The following MRPL37 variants were observed in gnomAD, a reference collection of about 807,000 sequenced individuals.
MRPL37 encodes mitochondrial ribosomal protein L37.
MRPL37 carries 34 observed loss-of-function variants against 44.1 expected under a neutral mutation model. The ratio of observed to expected loss-of-function variants is 0.77; its 90% confidence interval spans 0.59 to 1.03. MRPL37 has a LOEUF of 1.03. Ranked by LOEUF, MRPL37 falls within the 50% of genes least tolerant of loss-of-function variation. The probability of loss-of-function intolerance (pLI) is 0.00; values close to 1 mark genes in which losing one functional copy is unlikely to be tolerated. For synonymous variants in MRPL37, 212 were observed against 219.5 expected, an observed-to-expected ratio of 0.97 and a Z score of 0.30; for missense variants, 532 against 543.7, an observed-to-expected ratio of 0.98 and a Z score of 0.21.
Position 54,218,257 on chromosome 1 carries a change from A to T in MRPL37, c.*8A>T. ...TTGCATGGTGCTGCGTGAGCGGAGG[A>T]CCCCTCTGAATCCTGAAACCCCTCT... On this transcript the variant is annotated 3_prime_UTR_variant, in exon 7 of 7. Coordinates refer to ENST00000360840, the MANE Select transcript of MRPL37 (RefSeq NM_016491.4). The T allele has an allele frequency of 6.2e-7, 1 of 1,614,044 alleles. No homozygotes were observed. Among genetic ancestry groups the T allele is most frequent in the Non-Finnish European group, 8.5e-7 (1 of 1,179,982 alleles).
intron 4 of MRPL37, among the ~76,000 whole-genome samples, chr1:54,210,628 C>T (rs1471240898): frequency 6.6e-6 from 1 of 152,208 alleles, no homozygotes; most frequent in Non-Finnish European, 1.5e-5. Flanking sequence ...CTCCGTCAGG[C>T]AAGACATCAC....
chr1:54,210,564 G>T (rs910875716), intron 4 of MRPL37, among the ~76,000 whole-genome samples: 2 of 152,138 alleles, frequency 1.3e-5, no homozygotes, highest in African/African-American at 4.8e-5. Flanking sequence ...AAGCCCCATA[G>T]ACATTGAATG....
At chr1:54,223,484 AC>A (rs1368443359), downstream of MRPL37, among the ~76,000 whole-genome samples, 1 of 151,990 alleles carries the variant, frequency 6.6e-6, no homozygotes, top group South Asian at 2.1e-4. Context: ...CAGCCTTCTT[AC>A]CCCCGCTAGA....
At chr1:54,224,067 C>T (rs1570160792), downstream of MRPL37, among the ~76,000 whole-genome samples, 1 of 152,188 alleles carries the variant, frequency 6.6e-6, no homozygotes, top group Admixed American at 6.5e-5. Context: ...AGCTAGGCAC[C>T]CTGATCCCAT....
intron 6 of MRPL37, 123 bp downstream of exon 6, chr1:54,216,467 C>T (rs1186277374): frequency 1.3e-5 from 15 of 1,142,320 alleles, no homozygotes; most frequent in South Asian, 7.5e-5. Context: ...ACTTCCCACC[C>T]GGGATCTCTG....
downstream of MRPL37, chr1:54,225,084 G>A (rs75998619): frequency 2.4e-6 from 3 of 1,234,098 alleles, no homozygotes; most frequent in Admixed American, 4.2e-5. Flanking sequence ...ACTCCCCATA[G>A]AAAACAGAGG....
downstream of MRPL37, among the ~76,000 whole-genome samples, chr1:54,221,898 G>A (rs996723251): frequency 1.3e-5 from 2 of 152,188 alleles, no homozygotes; most frequent in Admixed American, 1.3e-4. Flanking sequence ...CAGAATGAGG[G>A]AGACATGGTC....
chr1:54,213,569 A>AC (rs1027704732), intron 5 of MRPL37, among the ~76,000 whole-genome samples: 3 of 152,302 alleles, frequency 2.0e-5, no homozygotes, highest in African/African-American at 7.2e-5. Context: ...TAAAAAAAAA[A>AC]ATCAGTGGTT....
At position 54,216,334 on chromosome 1, in the gene MRPL37, G is replaced by C. The variant is rs974460084; in HGVS notation, c.1184G>C (p.Arg395Thr). 6.2e-7 allele frequency: 1 copy of C among 1,613,984 alleles called. No homozygotes were observed. ...TGGTGTCTCCCAGTGATCAAAAAGA[G>C]AGTGGTTGTGGTAAGTTGAGCCATC... ...HFWCLPVIKK[R>T]VVVEPVGPVG... The change falls in exon 6 of 7, where the codon AGA becomes ACA. Residue 395 changes from arginine (R) to threonine (T), a missense_variant. By Grantham distance (71) the Arg-to-Thr change is moderately conservative. Transcript: ENST00000360840.
Position 54,200,212 on chromosome 1 carries a change from C to T in MRPL37, c.-32C>T. On this transcript the variant is annotated 5_prime_UTR_variant, in exon 1 of 7. Transcript: ENST00000360840. ...CCTGCGCGCGGCAACATGGCGGGGT[C>T]CAGGTGGAGGTCTTGAGGCTATCAG... The T allele has an allele frequency of 6.6e-7, 1 of 1,512,830 alleles. No homozygotes were observed. 93.7% of individuals were successfully genotyped at this position (1,512,830 alleles called of 1,614,324 possible).
chr1:54,217,715 G>T (rs1257446944), intron 6 of MRPL37, among the ~76,000 whole-genome samples: 1 of 152,166 alleles, frequency 6.6e-6, no homozygotes. Context: ...AGTGGGGTCT[G>T]TCTCCTTTCA....
At chr1:54,204,377 C>CA (rs1242544845) in intron 1 of MRPL37, among the ~76,000 whole-genome samples, 6 of 149,288 alleles carry the variant, frequency 4.0e-5, no homozygotes, top group African/African-American at 1.5e-4. Flanking sequence ...GCCTGGGCGA[C>CA]AGAGCGAGAC....
At chr1:54,201,404 A>C (rs143112816) in intron 1 of MRPL37, among the ~76,000 whole-genome samples, 116 of 152,356 alleles carry the variant, frequency 7.6e-4, no homozygotes, top group African/African-American at 2.6e-3. Context: ...CTGATTTTCA[A>C]GCCTTTAAAC....
downstream of MRPL37, among the ~76,000 whole-genome samples, chr1:54,222,356 T>TG (rs200211781): frequency 0.013 from 1,925 of 151,218 alleles, 42 homozygotes; most frequent in African/African-American, 0.044. Flanking sequence ...ACAAAGGCCC[T>TG]GGGGGGGCAG....
chr1:54,211,683 G>C (rs1287287767), intron 4 of MRPL37, among the ~76,000 whole-genome samples: 1 of 152,146 alleles, frequency 6.6e-6, no homozygotes, highest in Non-Finnish European at 1.5e-5. Flanking sequence ...TTTAGAGATA[G>C]GGTCTTATTA....
At chr1:54,214,497 TA>T (rs1483653236) in intron 5 of MRPL37, among the ~76,000 whole-genome samples, 2 of 152,188 alleles carry the variant, frequency 1.3e-5, no homozygotes, top group African/African-American at 2.4e-5. Flanking sequence ...ATCCCACAGC[TA>T]ATGAGTGGGG....
rs761595148 is a variant in MRPL37, at chr1:54,205,187, GA to G, written c.517del (p.Arg173GlufsTer12). The G allele has an allele frequency of 1.7e-5, 27 of 1,613,178 alleles. No individual in the cohort carries two copies. The highest frequency in any genetic ancestry group is 2.3e-5 in the Non-Finnish European group (27 of 1,179,354). ...LWQTTEEIPK[R>X]ETYCPVIVDN... ...GGCAGACCACTGAGGAAATCCCCAA[GA>G]GAGAGACCTACTGGTAAGTTCCCCC... On this transcript the variant is annotated frameshift_variant, in exon 2 of 7. Coordinates refer to ENST00000360840, the MANE Select transcript of MRPL37 (RefSeq NM_016491.4). LOFTEE classifies it high-confidence loss of function.
chr1:54,222,358 G>T (rs1037738563), downstream of MRPL37, among the ~76,000 whole-genome samples: 17 of 152,170 alleles, frequency 1.1e-4, no homozygotes, highest in Admixed American at 5.9e-4. Context: ...AAAGGCCCTG[G>T]GGGGGCAGAC....
At chr1:54,224,028 A>G (rs1208580745), downstream of MRPL37, among the ~76,000 whole-genome samples, 1 of 152,186 alleles carries the variant, frequency 6.6e-6, no homozygotes, top group Non-Finnish European at 1.5e-5. Context: ...CGCTCTTCCC[A>G]GGCTGGGCCC....
Sources: gnomAD v4.1 joint callset for allele counts (sites outside exome capture counted in the v4.1 genomes callset) on GRCh38, gnomAD v4.1.1 for gene constraint, MANE v1.5 for transcripts, NCBI Gene and HGNC (gene_info 2026-07-23, HGNC 2026-07-21) for gene names.